The following CUL1 variants were observed in gnomAD, a reference collection of about 807,000 sequenced individuals.
The protein encoded by CUL1 is cullin 1, also known as cullin-1.
A neutral mutation model predicts 118.0 loss-of-function variants in CUL1; 24 were observed. That is an observed-to-expected ratio of 0.20 (90% CI 0.15 to 0.29). The LOEUF (loss-of-function observed/expected upper bound fraction) is 0.29. Among genes scored for constraint, CUL1 ranks in the 10% least tolerant of loss-of-function variants. The pLI is 1.00. For synonymous variants in CUL1, 332 were observed against 340.4 expected, an observed-to-expected ratio of 0.98 and a Z score of 0.27; for missense variants, 361 against 933.8, an observed-to-expected ratio of 0.39 and a Z score of 7.99.
intron 2 of CUL1, among the ~76,000 whole-genome samples, chr7:148,744,312 CTT>C (rs1479328775): frequency 6.6e-6 from 1 of 150,966 alleles, no homozygotes; most frequent in Non-Finnish European, 1.5e-5. Flanking sequence ...TAAAAAGTTT[CTT>C]TGTTCTTGCT....
At chr7:148,772,425 C>CA (rs11402401) in intron 9 of CUL1, among the ~76,000 whole-genome samples, 109,300 of 146,546 alleles carry the variant, frequency 0.75, 40,548 homozygotes, top group African/African-American at 0.86. Context: ...AAAAAAAAAA[C>CA]AAAAAAAAAA....
At chr7:148,732,345 A>AT (rs34013582) in intron 2 of CUL1, among the ~76,000 whole-genome samples, 8,911 of 134,872 alleles carry the variant, frequency 0.066, 386 homozygotes, top group Middle Eastern at 0.1. Context: ...TAAGTCATCC[A>AT]TTTTTTTTTT....
intron 3 of CUL1, among the ~76,000 whole-genome samples, chr7:148,756,182 T>C (rs1240685334): frequency 6.6e-6 from 1 of 152,256 alleles, no homozygotes; most frequent in Non-Finnish European, 1.5e-5. Context: ...TGAAATATTG[T>C]TATACTATTG....
chr7:148,732,608 G>T (rs1223225148), intron 2 of CUL1, among the ~76,000 whole-genome samples: 1 of 151,888 alleles, frequency 6.6e-6, no homozygotes, highest in African/African-American at 2.4e-5. Flanking sequence ...CCAAAGGCTG[G>T]GATTACAGGT....
Position 148,758,225 on chromosome 7 carries a change from G to C in CUL1, c.483+1075G>C, listed in dbSNP as rs904605312. On this transcript the variant is annotated intron_variant, in intron 4 of 21. Transcript: ENST00000325222. ...GAGGACTCAGAACAGTCTGTTCATA[G>C]GCTGTCAGATCCACACAGACAATGC... Among the ~76,000 whole-genome samples, 8 of 151,572 alleles carry C rather than the reference G, an allele frequency of 5.3e-5. No individual in the cohort carries two copies. The East Asian group carries it at 1.6e-3, about 29-fold the overall frequency.
At chr7:148,698,603 G>T (rs1468103537), upstream of CUL1, 1 of 151,892 alleles carries the variant, frequency 6.6e-6, no homozygotes, top group Non-Finnish European at 1.5e-5. Flanking sequence ...GGGGCCGCCG[G>T]CAGCGGCGAG....
At chr7:148,784,134 T>C (rs973408191) in intron 11 of CUL1, 57 bp downstream of exon 11, 1 of 1,358,560 alleles carries the variant, frequency 7.4e-7, no homozygotes, top group East Asian at 2.3e-5. Context: ...AGCTTTTATA[T>C]GAGGAATTAA....
intron 1 of CUL1, among the ~76,000 whole-genome samples, chr7:148,728,051 G>A (rs961027289): frequency 2.6e-5 from 4 of 152,034 alleles, no homozygotes; most frequent in Non-Finnish European, 4.4e-5. Context: ...TAAAATAGTC[G>A]CCCAGGTAAG....
At chr7:148,714,382 T>C (rs1415120010) in intron 1 of CUL1, among the ~76,000 whole-genome samples, 1 of 152,228 alleles carries the variant, frequency 6.6e-6, no homozygotes, top group African/African-American at 2.4e-5. Flanking sequence ...GTTTTCAAAA[T>C]ACAGTACATT....
chr7:148,799,438 A>G lies in CUL1; in HGVS notation c.2250+50A>G, dbSNP rs571307272. 33 of 1,294,336 alleles carry G rather than the reference A, an allele frequency of 2.5e-5. 1 individual carries two copies. In the South Asian group the frequency reaches 3.8e-4, roughly 15 times the overall value. 80.2% of individuals were successfully genotyped at this position (1,294,336 alleles called of 1,614,324 possible). On this transcript the variant is annotated intron_variant, in intron 21 of 21. Transcript: ENST00000325222. ...CATTCCTTTCTTAATTTAGAAGATAAAAGATGTAGCAAAAAGTGGATTGAT... is the reference window on the plus strand; with the variant it reads ...CATTCCTTTCTTAATTTAGAAGATAGAAGATGTAGCAAAAAGTGGATTGAT...
intron 2 of CUL1, among the ~76,000 whole-genome samples, chr7:148,745,774 C>G (rs998326484): frequency 1.6e-4 from 24 of 149,268 alleles, no homozygotes; most frequent in African/African-American, 5.9e-4. Flanking sequence ...AGAACTAACT[C>G]TAGAAACAGT....
chr7:148,763,430 T>C (rs1799903096), intron 7 of CUL1, among the ~76,000 whole-genome samples: 1 of 152,204 alleles, frequency 6.6e-6, no homozygotes. Context: ...GACCATGTAA[T>C]TCTGCTCTCA....
intron 17 of CUL1, 120 bp from the exon 18 acceptor site, chr7:148,797,692 C>A (rs1253215261): frequency 3.1e-5 from 23 of 746,968 alleles, no homozygotes; most frequent in Non-Finnish European, 3.4e-5. Context: ...GCATACTCTT[C>A]TTTTGGGTGA....
intron 3 of CUL1, among the ~76,000 whole-genome samples, chr7:148,756,096 T>G (rs1010679753): frequency 9.9e-5 from 15 of 152,196 alleles, no homozygotes; most frequent in African/African-American, 3.4e-4. Flanking sequence ...TTCCGGTTAG[T>G]CTCCTTCAAA....
rs1465154541 is a variant in CUL1 at position 148,742,660 on chromosome 7, T to C, written c.141-11316T>C. Among the ~76,000 whole-genome samples, 6 of 146,026 alleles carry C rather than the reference T, an allele frequency of 4.1e-5. No individual in the cohort carries two copies. In the South Asian group the frequency reaches 1.5e-3, roughly 35 times the overall value. On this transcript the variant is annotated intron_variant, in intron 2 of 21. Coordinates refer to ENST00000325222, the MANE Select transcript of CUL1 (RefSeq NM_003592.3). Reference sequence around the variant, plus strand: ...CTCTGTTGCCCAGGCTGGAGTGCAGTGCATGTTCTTGGCTCACTGCAGTCT... The same window carrying C: ...CTCTGTTGCCCAGGCTGGAGTGCAGCGCATGTTCTTGGCTCACTGCAGTCT...
chr7:148,769,201 C>G (rs1187088396), intron 9 of CUL1, among the ~76,000 whole-genome samples: 1 of 152,060 alleles, frequency 6.6e-6, no homozygotes, highest in Non-Finnish European at 1.5e-5. Context: ...ATGATAATGC[C>G]TATCCCATAG....
chr7:148,772,822 T>C (rs1240476261), intron 9 of CUL1, among the ~76,000 whole-genome samples: 1 of 152,058 alleles, frequency 6.6e-6, no homozygotes, highest in Non-Finnish European at 1.5e-5. Context: ...TAGGGTATAA[T>C]TTCCTGCAGG....
chr7:148,779,433 G>A (rs1206127573), intron 9 of CUL1, among the ~76,000 whole-genome samples: 2 of 152,114 alleles, frequency 1.3e-5, no homozygotes, highest in Non-Finnish European at 2.9e-5. Context: ...TTCAGAGAAA[G>A]CATCCCTGAA....
At chr7:148,748,716 T>C (rs243492) in intron 2 of CUL1, among the ~76,000 whole-genome samples, 83,557 of 152,028 alleles carry the variant, frequency 0.55, 23,205 homozygotes, top group East Asian at 0.78. Context: ...TGTGAAATAA[T>C]GGCCCCCCCG....
Sources: gnomAD v4.1 joint callset for allele counts (sites outside exome capture counted in the v4.1 genomes callset) on GRCh38, gnomAD v4.1.1 for gene constraint, MANE v1.5 for transcripts, NCBI Gene and HGNC (gene_info 2026-07-23, HGNC 2026-07-21) for gene names.